Variants in SRGAP1 observed in about 807,000 individuals in gnomAD.
SRGAP1 encodes the protein SLIT-ROBO Rho GTPase activating protein 1.
In SRGAP1, 43 loss-of-function variants were observed where a neutral mutation model predicts 121.9. The observed-to-expected ratio is 0.35, with a 90% CI of 0.28 to 0.46. The LOEUF is 0.46. Ranked by LOEUF, SRGAP1 falls within the 20% of genes least tolerant of loss-of-function variation. The pLI is 1.00. For missense variants in SRGAP1, 1,102 were observed against 1,350.9 expected (o/e 0.82, Z 2.89); for synonymous variants, 447 against 485.4 (o/e 0.92, Z 1.04).
intron 11 of SRGAP1, among the ~76,000 whole-genome samples, chr12:64,090,128 C>G (rs1244015462): frequency 6.6e-6 from 1 of 152,168 alleles, no homozygotes; most frequent in African/African-American, 2.4e-5. Flanking sequence ...GTATTTCATT[C>G]AGCACAGTAG....
chr12:64,160,151 T>A lies in SRGAP1; in HGVS notation c.*17479T>A, dbSNP rs1416834685. 1 of 152,210 alleles carries A rather than the reference T, an allele frequency of 6.6e-6. No individual in the cohort carries two copies. Among genetic ancestry groups the A allele is most frequent in the Non-Finnish European group, 1.5e-5 (1 of 68,032 alleles). 9.4% of individuals were successfully genotyped at this position (152,210 alleles called of 1,614,324 possible). The stretch of plus-strand genomic sequence containing the variant: ...CAGTATGGATAAGTTGTTCTCTAAG[T>A]CTACTGCATAGCTGAGAGCCTAAGA... On this transcript the variant is annotated 3_prime_UTR_variant, in exon 22 of 22. Transcript: ENST00000355086.
intron 6 of SRGAP1, among the ~76,000 whole-genome samples, chr12:64,057,913 CTG>C (rs2035373543): frequency 6.6e-6 from 1 of 152,226 alleles, no homozygotes; most frequent in Admixed American, 6.5e-5. Flanking sequence ...TGGTGAACGA[CTG>C]TGGCTGCTAC....
rs528225520 is a variant in SRGAP1 at position 63,909,226 on chromosome 12, T to C, written c.67+64343T>C. Among the ~76,000 whole-genome samples, 3 of 152,184 alleles carry C rather than the reference T, an allele frequency of 2.0e-5. No individual in the cohort carries two copies. In the South Asian group the frequency reaches 6.2e-4, roughly 32 times the overall value. The stretch of plus-strand genomic sequence containing the variant: ...TTAATGTAATTCAGTGATATTTACT[T>C]ATGGGTTTGTGAAATCAAGAAAAAT... On this transcript the variant is annotated intron_variant, in intron 1 of 21. Coordinates refer to ENST00000355086, the MANE Select transcript of SRGAP1 (RefSeq NM_020762.4).
At chr12:64,026,299 A>G (rs1186744590) in intron 4 of SRGAP1, among the ~76,000 whole-genome samples, 1 of 152,232 alleles carries the variant, frequency 6.6e-6, no homozygotes, top group Non-Finnish European at 1.5e-5. Flanking sequence ...AGACATCTTA[A>G]GCAGTTTATA....
intron 1 of SRGAP1, among the ~76,000 whole-genome samples, chr12:63,955,898 T>A (rs1262027912): frequency 1.3e-5 from 2 of 152,182 alleles, no homozygotes; most frequent in African/African-American, 4.8e-5. Flanking sequence ...TTTGAGGATG[T>A]ACAGTTCTGA....
At position 64,156,656 on chromosome 12, in the gene SRGAP1, C is replaced by T. The variant is rs939639162; in HGVS notation, c.*13984C>T. 1 of 152,056 alleles carries T rather than the reference C, an allele frequency of 6.6e-6. No individual in the cohort carries two copies. The highest frequency in any genetic ancestry group is 6.6e-5 in the Admixed American group (1 of 15,260). The allele number at this position is 152,056 out of a possible 1,614,324, so 9.4% of individuals were successfully genotyped here. A position where few individuals can be genotyped will look rare whatever the true frequency, so the allele number is the denominator to read the frequency against. On this transcript the variant is annotated 3_prime_UTR_variant, in exon 22 of 22. Transcript: ENST00000355086. ...ATCTATTAATCTAGCCTTATTACAC[C>T]GAGTACAACAGGGAATAATAAGCCA...
intron 1 of SRGAP1, among the ~76,000 whole-genome samples, chr12:63,916,091 G>T (rs957512911): frequency 7.0e-6 from 1 of 143,290 alleles, no homozygotes; most frequent in Non-Finnish European, 1.5e-5. Flanking sequence ...GGAGTGCAGT[G>T]GTGTGATCAT....
At chr12:64,109,846 C>T (rs999276792) in intron 16 of SRGAP1, among the ~76,000 whole-genome samples, 1 of 152,138 alleles carries the variant, frequency 6.6e-6, no homozygotes, top group African/African-American at 2.4e-5. Context: ...ATTTGGAGTT[C>T]TCAGAAGCCA....
At chr12:63,900,205 T>TTTTTCTTTTTTTTC (rs1900897339) in intron 1 of SRGAP1, among the ~76,000 whole-genome samples, 2 of 92,090 alleles carry the variant, frequency 2.2e-5, no homozygotes, top group East Asian at 6.2e-4. Flanking sequence ...TTTCTTTTTC[T>TTTTTCTTTTTTTTC]TTTTTTTTTT....
chr12:64,133,037 G>C (rs2036809143), intron 21 of SRGAP1, among the ~76,000 whole-genome samples: 1 of 152,182 alleles, frequency 6.6e-6, no homozygotes, highest in East Asian at 1.9e-4. Context: ...GTCACCACTT[G>C]GTTAAGCTTA....
At chr12:63,853,475 G>T (rs1191906721) in intron 1 of SRGAP1, among the ~76,000 whole-genome samples, 2 of 152,176 alleles carry the variant, frequency 1.3e-5, no homozygotes, top group African/African-American at 4.8e-5. Context: ...ATGTTATGCA[G>T]TCTTTACCAC....
At chr12:64,100,195 A>G (rs1023481023) in intron 15 of SRGAP1, among the ~76,000 whole-genome samples, 4 of 152,190 alleles carry the variant, frequency 2.6e-5, no homozygotes, top group Non-Finnish European at 4.4e-5. Context: ...ATATGCCAAT[A>G]CCTGGGTTGG....
Position 64,026,737 on chromosome 12 carries a change from G to A in SRGAP1, c.489+9725G>A, listed in dbSNP as rs138821863. ...AAAAATTAGCCACGCATGGTGATGC[G>A]CGCCTGTAATCCCAGCTACTTGGAA... On this transcript the variant is annotated intron_variant, in intron 4 of 21. Transcript: ENST00000355086. 1.5e-3 allele frequency among the ~76,000 whole-genome samples: 232 copies of A among 151,500 alleles called. 1 individual carries two copies. Among genetic ancestry groups the A allele is most frequent in the African/African-American group, 5.4e-3 (222 of 40,964 alleles).
At chr12:63,884,914 G>T (rs910069878) in intron 1 of SRGAP1, among the ~76,000 whole-genome samples, 1 of 151,874 alleles carries the variant, frequency 6.6e-6, no homozygotes, top group Non-Finnish European at 1.5e-5. Flanking sequence ...TAGAGACGGG[G>T]TTTCACCGCA....
In SRGAP1 at chr12:63,850,059, C is replaced by G. The variant is rs570169351; in HGVS notation, c.67+5176C>G. On this transcript the variant is annotated intron_variant, in intron 1 of 21. Coordinates refer to ENST00000355086, the MANE Select transcript of SRGAP1 (RefSeq NM_020762.4). ...TTTCACCAGGACCATTTTAAGAGACCACAATACCCAGGCAGCAGCTTCACA... is the reference window on the plus strand; with the variant it reads ...TTTCACCAGGACCATTTTAAGAGACGACAATACCCAGGCAGCAGCTTCACA... 8.5e-5 allele frequency among the ~76,000 whole-genome samples: 13 copies of G among 152,144 alleles called. No individual in the cohort carries two copies. In the South Asian group the frequency reaches 2.7e-3, roughly 32 times the overall value.
intron 1 of SRGAP1, among the ~76,000 whole-genome samples, chr12:63,975,245 A>G (rs186430860): frequency 3.2e-4 from 49 of 152,298 alleles, no homozygotes; most frequent in African/African-American, 1.1e-3. Context: ...CTGACTAGAA[A>G]CAGTGTTCAG....
chr12:64,035,013 A>G (rs7134299), intron 4 of SRGAP1, among the ~76,000 whole-genome samples: 56,978 of 151,036 alleles, frequency 0.38, 12,110 homozygotes, highest in Non-Finnish European at 0.48. Context: ...CTCAGGGATC[A>G]GCAACTCTTT....
chr12:64,091,416 C>G (rs1328314807), intron 12 of SRGAP1, 38 bp downstream of exon 12: 1 of 1,469,476 alleles, frequency 6.8e-7, no homozygotes, highest in Admixed American at 1.7e-5. Flanking sequence ...GATCTCCATG[C>G]TTCTTACTAT....
chr12:64,073,739 G>A (rs2035684073), intron 8 of SRGAP1, among the ~76,000 whole-genome samples: 1 of 146,728 alleles, frequency 6.8e-6, no homozygotes, highest in African/African-American at 2.5e-5. Flanking sequence ...ACAGTTGGTT[G>A]AATTTGTGAA....
Sources: gnomAD v4.1 joint callset for allele counts (sites outside exome capture counted in the v4.1 genomes callset) on GRCh38, gnomAD v4.1.1 for gene constraint, MANE v1.5 for transcripts, NCBI Gene and HGNC (gene_info 2026-07-23, HGNC 2026-07-21) for gene names.